The following SLC7A10 variants were observed in gnomAD, a reference collection of about 807,000 sequenced individuals.
SLC7A10 encodes asc-type amino acid transporter 1.
In SLC7A10, 30 loss-of-function variants were observed where a neutral mutation model predicts 52.7. That is an observed-to-expected ratio of 0.57 (90% CI 0.43 to 0.77). The LOEUF (loss-of-function observed/expected upper bound fraction) is 0.77. Ranked by LOEUF, SLC7A10 falls within the 30% of genes least tolerant of loss-of-function variation. SLC7A10 has a pLI of 0.00. For missense variants in SLC7A10, 581 were observed against 698.5 expected (o/e 0.83, Z 1.90); for synonymous variants, 318 against 314.9 (o/e 1.01, Z -0.10).
In SLC7A10 at chr19:33,212,912, G is replaced by A. The variant is rs762067791; in HGVS notation, c.447C>T (p.Pro149=). The A allele has an allele frequency of 1.9e-5, 31 of 1,614,184 alleles. No homozygotes were observed. Among genetic ancestry groups the A allele is most frequent in the Middle Eastern group, 1.6e-4 (1 of 6,062 alleles). Residue 149 remains proline (P), a synonymous_variant, in exon 3 of 11, where the codon CCC becomes CCT. Coordinates refer to ENST00000253188, the MANE Select transcript of SLC7A10 (RefSeq NM_019849.3). ...SMTFSNYVLQ[P]VFPNCIPPTT... is the part of the protein sequence containing the mutation. ...TGGGGGGGATGCAGTTGGGGAACAC[G>A]GGCTGCAGCACGTAGTTGGAGAAGG...
rs577645706 is a variant in SLC7A10, at chr19:33,225,735, G to T, written c.-32C>A. ...GTCCCGCCGCGTCCCCGCTCCCTGC[G>T]CTGCCCCGTCTGTCCGGCCGGCCGC... On this transcript the variant is annotated 5_prime_UTR_variant, in exon 1 of 11. Transcript: ENST00000253188. The T allele has an allele frequency of 8.8e-6, 13 of 1,477,694 alleles. No homozygotes were observed. In the African/African-American group the frequency reaches 1.3e-4, roughly 15 times the overall value. The allele number at this position is 1,477,694 out of a possible 1,614,324, so 91.5% of individuals were successfully genotyped here.
At chr19:33,219,898 C>T (rs2145489895) in intron 1 of SLC7A10, 1 of 152,388 alleles carries the variant, frequency 6.6e-6, no homozygotes, top group East Asian at 1.9e-4. Flanking sequence ...TTCTCTTGAT[C>T]CCGTCTGGCA....
intron 9 of SLC7A10, among the ~76,000 whole-genome samples, chr19:33,209,704 C>CAG (rs1916352317): frequency 9.7e-6 from 1 of 103,464 alleles, no homozygotes; most frequent in Non-Finnish European, 2.1e-5. Context: ...TTCAAAGTCT[C>CAG]AGCGGCACCG....
In SLC7A10 at chr19:33,215,803, C is replaced by T. The variant is rs567938130; in HGVS notation, c.322G>A (p.Ala108Thr). ...CCCCCGAAGATCTCTGTGACGTAGG[C>T]GTAGTCCCCGCCAGACTTGGGGATG... Reference protein sequence around the residue: ...VAIPKSGGDYAYVTEIFGGLA... With the variant: ...VAIPKSGGDYTYVTEIFGGLA... The change falls in exon 2 of 11, where the codon GCC (alanine) becomes ACC (threonine). Residue 108 changes from alanine (A) to threonine (T), a missense_variant. Coordinates refer to ENST00000253188, the MANE Select transcript of SLC7A10 (RefSeq NM_019849.3). The T allele has an allele frequency of 9.0e-5, 142 of 1,571,000 alleles. No homozygotes were observed. The highest frequency in any genetic ancestry group is 3.3e-4 in the Middle Eastern group (2 of 6,006).
In SLC7A10 at chr19:33,223,654, C is replaced by G. The variant is rs556772626; in HGVS notation, c.151+1899G>C. On this transcript the variant is annotated intron_variant, in intron 1 of 10. Transcript: ENST00000253188. ...GCCTGCTGTAATCCTCAAAGGCTCC[C>G]CGGGCCAGGCCAAGATCAAGGCTCC... Among the ~76,000 whole-genome samples, 182 of 152,212 alleles carry G rather than the reference C, an allele frequency of 1.2e-3. 1 individual carries two copies. The highest frequency in any genetic ancestry group is 6.8e-3 in the Middle Eastern group (2 of 294).
At chr19:33,224,591 G>C (rs555416423) in intron 1 of SLC7A10, among the ~76,000 whole-genome samples, 1 of 152,078 alleles carries the variant, frequency 6.6e-6, no homozygotes, top group African/African-American at 2.4e-5. Context: ...GCAGGGGACC[G>C]GGAAGACTGG....
chr19:33,224,438 C>T (rs2145497250), intron 1 of SLC7A10, among the ~76,000 whole-genome samples: 1 of 152,216 alleles, frequency 6.6e-6, no homozygotes, highest in East Asian at 1.9e-4. Context: ...TCAGGGGCAA[C>T]TCTGGATGTG....
At chr19:33,221,548 G>T (rs1315766494) in intron 1 of SLC7A10, among the ~76,000 whole-genome samples, 1 of 152,154 alleles carries the variant, frequency 6.6e-6, no homozygotes, top group African/African-American at 2.4e-5. Flanking sequence ...CTGTAGTGGG[G>T]AACAGCTAAG....
chr19:33,216,722 G>T (rs1974693537), intron 1 of SLC7A10, among the ~76,000 whole-genome samples: 1 of 152,052 alleles, frequency 6.6e-6, no homozygotes, highest in African/African-American at 2.4e-5. Context: ...TTACAGGCAT[G>T]AGCCACCACG....
chr19:33,222,413 TAAAATAA>T (rs1974827674), intron 1 of SLC7A10, among the ~76,000 whole-genome samples: 1 of 95,752 alleles, frequency 1.0e-5, no homozygotes, highest in Non-Finnish European at 2.5e-5. Context: ...AAATAAAATA[TAAAATAA>T]AATATAAAAT....
chr19:33,215,997 C>A, intron 1 of SLC7A10, 24 bp from the exon 2 acceptor site: 1 of 1,554,818 alleles, frequency 6.4e-7, no homozygotes, highest in Non-Finnish European at 8.7e-7. Flanking sequence ...GATGGGGAGG[C>A]ATCAGGCCTG....
chr19:33,219,969 C>A (rs1974778878), intron 1 of SLC7A10: 2 of 152,252 alleles, frequency 1.3e-5, no homozygotes, highest in Non-Finnish European at 2.9e-5. Context: ...GCCTTGGAGA[C>A]CCCCTAGGCA....
At chr19:33,216,924 G>A (rs554336800) in intron 1 of SLC7A10, among the ~76,000 whole-genome samples, 1 of 152,082 alleles carries the variant, frequency 6.6e-6, no homozygotes, top group East Asian at 1.9e-4. Context: ...ACCCTGGCTG[G>A]AGTGCAGTGG....
rs181774253 is a variant in SLC7A10 at position 33,219,119 on chromosome 19, G to A, written c.152-3146C>T. Among the ~76,000 whole-genome samples, 51 of 152,180 alleles carry A rather than the reference G, an allele frequency of 3.4e-4. 2 individuals are homozygous for A. Among genetic ancestry groups the A allele is most frequent in the Middle Eastern group, 3.4e-3 (1 of 294 alleles). ...CCTCCACGTTCCTGTCCACCCGGTGGGATGACAGCTCAGTGGTCCCTGCAG... is the reference window on the plus strand; with the variant it reads ...CCTCCACGTTCCTGTCCACCCGGTGAGATGACAGCTCAGTGGTCCCTGCAG... On this transcript the variant is annotated intron_variant, in intron 1 of 10. Transcript: ENST00000253188.
At chr19:33,218,707 G>A (rs1974751163) in intron 1 of SLC7A10, among the ~76,000 whole-genome samples, 1 of 34,634 alleles carries the variant, frequency 2.9e-5, no homozygotes. Context: ...TAGTAGAGAT[G>A]GGGTTTCACC....
intron 1 of SLC7A10, 50 bp downstream of exon 1, chr19:33,225,503 G>A: frequency 6.3e-7 from 1 of 1,587,392 alleles, no homozygotes; most frequent in South Asian, 1.1e-5. Flanking sequence ...GAGCGGCTGC[G>A]CCCCTCATTC....
At chr19:33,215,630 ACCCCCCACAC>A in intron 2 of SLC7A10, 129 bp downstream of exon 2, 1 of 288,770 alleles carries the variant, frequency 3.5e-6, no homozygotes, top group Non-Finnish European at 4.8e-6. Context: ...CTCTCCATCC[ACCCCCCACAC>A]CTTCTCTCCA....
chr19:33,211,095 G>C, intron 7 of SLC7A10, 130 bp downstream of exon 7: 1 of 1,018,670 alleles, frequency 9.8e-7, no homozygotes. Context: ...TTACCGTGTG[G>C]GATCATCATC....
rs781459936 is a variant in SLC7A10 at position 33,209,372 on chromosome 19, C to A, written c.1377G>T (p.Gly459=). The part of the protein sequence containing the change: ...CGVGVIIILT[G]VPIFFLGVFW... ...ACACTCCCAGAAAGAAAATGGGCAC[C>A]CCCGTAAGGATGATGATGACGCCGA... Residue 459 remains glycine, a synonymous_variant, in exon 10 of 11, where the codon GGG becomes GGT. Transcript: ENST00000253188. The A allele has an allele frequency of 1.7e-5, 27 of 1,613,860 alleles. No homozygotes were observed. The highest frequency in any genetic ancestry group is 2.3e-5 in the Non-Finnish European group (27 of 1,180,006).
Sources: allele counts gnomAD v4.1 joint callset (sites outside exome capture counted in the v4.1 genomes callset), GRCh38; gene constraint gnomAD v4.1.1; transcripts MANE v1.5; gene names NCBI Gene and HGNC (gene_info 2026-07-23, HGNC 2026-07-21).